TOP3B: variants seen among roughly 807,000 people sequenced by gnomAD.
TOP3B encodes DNA topoisomerase III beta.
In TOP3B, 45 loss-of-function variants were observed where a neutral mutation model predicts 93.9. The ratio of observed to expected loss-of-function variants is 0.48; its 90% CI spans 0.38 to 0.61. The LOEUF is 0.61. Among genes scored for constraint, TOP3B ranks in the 20% least tolerant of loss-of-function variants. TOP3B has a pLI of 0.00. For missense variants in TOP3B, 750 were observed against 1,156.1 expected (o/e 0.65, Z 5.09); for synonymous variants, 357 against 472.6 (o/e 0.76, Z 3.17).
chr22:21,977,371 A>C (rs2071916065), intron 1 of TOP3B: 1 of 151,948 alleles, frequency 6.6e-6, no homozygotes, highest in African/African-American at 2.4e-5. Flanking sequence ...TCTAATAAAA[A>C]TACAAAAATT....
rs754795501 is a variant in TOP3B, at chr22:21,960,405, G to A, written c.1570C>T (p.Arg524Cys). 5.0e-6 allele frequency: 8 copies of A among 1,613,668 alleles called. No individual in the cohort carries two copies. The highest frequency in any genetic ancestry group is 2.2e-5 in the East Asian group (1 of 44,880). The change falls in exon 14 of 18, where the codon CGC (arginine) becomes TGC (cysteine). Residue 524 changes from arginine (R) to cysteine (C), a missense_variant. By Grantham distance (180) the Arg-to-Cys change is radical (BLOSUM62 -3). Transcript: ENST00000357179. ...IPVHINNICQ[R>C]NYVTVESGRR... ...CCGCTCTCCACCGTGACATAGTTGC[G>A]CTGGCAGATGTTGTTGATATGCACA...
Position 21,972,640 on chromosome 22 carries a change from G to A in TOP3B, c.281C>T (p.Pro94Leu). The A allele has an allele frequency of 6.2e-7, 1 of 1,611,590 alleles. No individual in the cohort carries two copies. The highest frequency in any genetic ancestry group is 1.1e-5 in the South Asian group (1 of 91,026). Residue 94 changes from proline to leucine, a missense_variant, in exon 4 of 18, where the codon CCC becomes CTC. This residue lies in a region of TOP3B where 737 missense variants were observed against 933.7 expected (regional missense o/e 0.79). Coordinates refer to ENST00000357179, the MANE Select transcript of TOP3B (RefSeq NM_001282112.2). ...QAPTEKKEANPKLNMVKFLQV... is the reference protein window; with the variant it reads ...QAPTEKKEANLKLNMVKFLQV... ...CAGGAACTTCACCATGTTCAGCTTG[G>A]GGTTAGCTTCTTTCTTCTCCGTGGG... is the stretch of plus-strand genomic sequence containing the variant.
At position 21,962,801 on chromosome 22, in the gene TOP3B, A is replaced by G. The variant is rs377043892; in HGVS notation, c.1297T>C (p.Phe433Leu). 6.2e-7 allele frequency: 1 copy of G among 1,613,406 alleles called. No individual in the cohort carries two copies. Among genetic ancestry groups the G allele is most frequent in the African/African-American group, 1.3e-5 (1 of 74,750 alleles). The change falls in exon 12 of 18, where the codon TTC (phenylalanine) becomes CTC (leucine). Residue 433 changes from phenylalanine (F) to leucine (L), a missense_variant. Physicochemically the swap from Phe to Leu is conservative, Grantham distance 22. Around this residue, in one of 4 missense-constraint regions of TOP3B, gnomAD observed 737 missense variants for 933.7 expected, o/e 0.79. Coordinates refer to ENST00000357179, the MANE Select transcript of TOP3B (RefSeq NM_001282112.2). ...DCKYLQSTIS[F>L]RIGPELFTCS... ...GTGAAGAGCTCGGGCCCAATTCTGA[A>G]GGAGATGGTGCTCTGCAGGTACTTG...
At position 21,957,815 on chromosome 22, in the gene TOP3B, C is replaced by T. The variant is rs1290283433; in HGVS notation, c.2108-220G>A. On this transcript the variant is annotated intron_variant, in intron 17 of 17. Transcript: ENST00000357179. The stretch of plus-strand genomic sequence containing the variant: ...CCTCCTCAACTTTCAAGGCCCCTCG[C>T]TGGCACCATCCCAGTGGGTTTCAGC... 42 of 1,532,828 alleles carry T rather than the reference C, an allele frequency of 2.7e-5. No individual in the cohort carries two copies. The Middle Eastern group carries it at 5.2e-4, about 19-fold the overall frequency. The allele number at this position is 1,532,828 out of a possible 1,614,324, so 95.0% of individuals were successfully genotyped here.
Position 21,962,521 on chromosome 22 carries a change from A to G in TOP3B, c.1433T>C (p.Val478Ala), listed in dbSNP as rs2071230981. 6 of 1,613,690 alleles carry G rather than the reference A, an allele frequency of 3.7e-6. No individual in the cohort carries two copies. The highest frequency in any genetic ancestry group is 1.1e-5 in the South Asian group (1 of 91,082). Residue 478 changes from valine (V) to alanine (A), a missense_variant, in exon 13 of 18, where the codon GTG (valine) becomes GCG (alanine). Transcript: ENST00000357179. Reference sequence around the variant, plus strand: ...CTTCTCCAGCATCTTCACCTCGCCCACAGGGAAGGCATCACCCCGCTGGCA... The same window carrying G: ...CTTCTCCAGCATCTTCACCTCGCCCGCAGGGAAGGCATCACCCCGCTGGCA... ...PTCQRGDAFP[V>A]GEVKMLEKQT...
intron 14 of TOP3B, 127 bp downstream of exon 14, chr22:21,960,194 G>C: frequency 7.1e-7 from 1 of 1,412,034 alleles, no homozygotes; most frequent in Non-Finnish European, 9.8e-7. Context: ...CGGGTGTTGA[G>C]GGAGTGTGTG....
chr22:21,959,854 C>T, intron 14 of TOP3B, 118 bp from the exon 15 acceptor site: 1 of 1,400,176 alleles, frequency 7.1e-7, no homozygotes, highest in South Asian at 1.4e-5. Flanking sequence ...GTCCTCCTGG[C>T]CTCTGCCCTA....
rs1056622151 is a variant in TOP3B at position 21,974,515 on chromosome 22, T to C, written c.71-27A>G. ...TGGGGATGAGGAAGCACAAAGTGAC[T>C]GGCTGCTTCAGCTGAGCTGAAGACC... On this transcript the variant is annotated intron_variant, in intron 2 of 17. Transcript: ENST00000357179. The C allele has an allele frequency of 4.4e-6, 7 of 1,575,570 alleles. No individual in the cohort carries two copies. In the Middle Eastern group the frequency reaches 6.7e-4, roughly 150 times the overall value.
At position 21,974,574 on chromosome 22, in the gene TOP3B, G is replaced by A. The variant is rs1262435641; in HGVS notation, c.71-86C>T. On this transcript the variant is annotated intron_variant, in intron 2 of 17. Transcript: ENST00000357179. ...ACCCCAGCCCGGATGCCACCTCCCA[G>A]AGGGCCAGAGTCCTCCTTCCCCAGA... is the stretch of plus-strand genomic sequence containing the variant. The A allele has an allele frequency of 2.8e-6, 4 of 1,418,028 alleles. No homozygotes were observed. In the African/African-American group the frequency reaches 5.7e-5, roughly 20 times the overall value. 87.8% of individuals were successfully genotyped at this position (1,418,028 alleles called of 1,614,324 possible).
intron 1 of TOP3B, among the ~76,000 whole-genome samples, chr22:21,978,599 G>T (rs1253504824): frequency 6.6e-6 from 1 of 152,134 alleles, no homozygotes; most frequent in Non-Finnish European, 1.5e-5. Flanking sequence ...GGAGCTAGCA[G>T]GGTGAGTCAG....
In TOP3B at chr22:21,963,178, A is replaced by G; in HGVS notation, c.1205-285T>C. On this transcript the variant is annotated intron_variant, in intron 11 of 17. Coordinates refer to ENST00000357179, the MANE Select transcript of TOP3B (RefSeq NM_001282112.2). This position sits in a 1 kb window ranked among gnomAD's most constrained non-coding sequence, Gnocchi z 4.8. ...GTGAAACCCCGTCTCTACTAAAAAT[A>G]CAAAGAAATTAGCTGGGTGTGGTGG... 3.1e-6 allele frequency: 1 copy of G among 324,550 alleles called. No homozygotes were observed. Among genetic ancestry groups the G allele is most frequent in the Non-Finnish European group, 5.9e-6 (1 of 170,332 alleles). The allele number at this position is 324,550 out of a possible 1,614,324, so 20.1% of individuals were successfully genotyped here. A position where few individuals can be genotyped will look rare whatever the true frequency, so the allele number is the denominator to read the frequency against.
At position 21,967,370 on chromosome 22, in the gene TOP3B, G is replaced by A. The variant is rs960541882; in HGVS notation, c.852+233C>T. 1.3e-4 allele frequency: 68 copies of A among 530,600 alleles called. No individual in the cohort carries two copies. The East Asian group carries it at 2.0e-3, about 16-fold the overall frequency. 32.9% of individuals were successfully genotyped at this position (530,600 alleles called of 1,614,324 possible). ...AGGGGTCCGACAAGGTCACAGGTGTGGACAGTGCCTGGTATGGAGCGGGCA... is the reference window on the plus strand; with the variant it reads ...AGGGGTCCGACAAGGTCACAGGTGTAGACAGTGCCTGGTATGGAGCGGGCA... On this transcript the variant is annotated intron_variant, in intron 8 of 17. Coordinates refer to ENST00000357179, the MANE Select transcript of TOP3B (RefSeq NM_001282112.2).
chr22:21,966,701 C>G (rs1319296915), intron 8 of TOP3B: 1 of 152,244 alleles, frequency 6.6e-6, no homozygotes, highest in Non-Finnish European at 1.5e-5. Context: ...ACAATCCAAA[C>G]AACTCAACCC....
Position 21,970,133 on chromosome 22 carries a change from A to T in TOP3B, c.581+77T>A, listed in dbSNP as rs1048616886. On this transcript the variant is annotated intron_variant, in intron 6 of 17. Transcript: ENST00000357179. The surrounding 1 kb of genome is among the most constrained non-coding windows in gnomAD (Gnocchi z 4.4). ...GCTCGAGGAGGCCTAGGGGCCCCGG[A>T]GGGGGACCAGTAGAGGCAGGTCTCT... 6 of 1,546,900 alleles carry T rather than the reference A, an allele frequency of 3.9e-6. No individual in the cohort carries two copies. The highest frequency in any genetic ancestry group is 3.5e-6 in the Non-Finnish European group (4 of 1,144,200).
intron 7 of TOP3B, 116 bp downstream of exon 7, chr22:21,968,503 G>T: frequency 1.5e-6 from 2 of 1,354,676 alleles, no homozygotes. Context: ...TCCAGGTACA[G>T]CCGTCCACAC....
At position 21,964,188 on chromosome 22, in the gene TOP3B, C is replaced by T; in HGVS notation, c.1071G>A (p.Gln357=). ...TGTCGGCCCAGTAGGGGTGGTTGGC[C>T]TGCTGCCGCAGAGAGCCCTTCAGGT... ...NFDLKGSLRQ[Q]ANHPYWADTV... is the part of the protein sequence containing the mutation. Residue 357 remains glutamine (Q), a synonymous_variant, in exon 10 of 18, where the codon CAG becomes CAA. Coordinates refer to ENST00000357179, the MANE Select transcript of TOP3B (RefSeq NM_001282112.2). The T allele has an allele frequency of 6.2e-7, 1 of 1,614,118 alleles. No homozygotes were observed. Among genetic ancestry groups the T allele is most frequent in the Non-Finnish European group, 8.5e-7 (1 of 1,180,024 alleles).
rs1307093913 is a variant in TOP3B, at chr22:21,958,715, G to T, written c.1906-22C>A. The T allele has an allele frequency of 3.2e-6, 5 of 1,579,748 alleles. No homozygotes were observed. In the Admixed American group the frequency reaches 8.6e-5, roughly 27 times the overall value. ...TGGCCTGCGGCAATGCCAGGCAGGT[G>T]GCGTGAGGGTCACTGGGGCCACCGA... On this transcript the variant is annotated intron_variant, in intron 16 of 17. Coordinates refer to ENST00000357179, the MANE Select transcript of TOP3B (RefSeq NM_001282112.2).
Position 21,964,623 on chromosome 22 carries a change from T to A in TOP3B, c.944-308A>T, listed in dbSNP as rs919058946. ...GGCTCATGGCCATGGGGATGACACA[T>A]GGCCTTCAGAGCACCACTCCCCATG... On this transcript the variant is annotated intron_variant, in intron 9 of 17. Coordinates refer to ENST00000357179, the MANE Select transcript of TOP3B (RefSeq NM_001282112.2). The A allele has an allele frequency of 1.6e-5, 7 of 437,034 alleles. No individual in the cohort carries two copies. In the East Asian group the frequency reaches 2.9e-4, roughly 18 times the overall value. 27.1% of individuals were successfully genotyped at this position (437,034 alleles called of 1,614,324 possible).
chr22:21,963,045 G>A lies in TOP3B; in HGVS notation c.1205-152C>T. The A allele has an allele frequency of 1.1e-6, 1 of 945,744 alleles. No individual in the cohort carries two copies. The highest frequency in any genetic ancestry group is 1.6e-5 in the South Asian group (1 of 61,376). The allele number at this position is 945,744 out of a possible 1,614,324, so 58.6% of individuals were successfully genotyped here. A position where few individuals can be genotyped will look rare whatever the true frequency, so the allele number is the denominator to read the frequency against. On this transcript the variant is annotated intron_variant, in intron 11 of 17. Transcript: ENST00000357179. The surrounding 1 kb of genome is among the most constrained non-coding windows in gnomAD (Gnocchi z 4.8). ...CCTGGGGAAGGAGGAAAGAAAATGTGCAGGAAGGCCGGGCGTGGTGGCTCA... is the reference window on the plus strand; with the variant it reads ...CCTGGGGAAGGAGGAAAGAAAATGTACAGGAAGGCCGGGCGTGGTGGCTCA...
Sources: allele counts gnomAD v4.1 joint callset (sites outside exome capture counted in the v4.1 genomes callset), GRCh38; gene constraint gnomAD v4.1.1; regional missense constraint gnomAD v4.1.1; non-coding constraint Gnocchi (gnomAD v3.1); transcripts MANE v1.5; gene names NCBI Gene and HGNC (gene_info 2026-07-23, HGNC 2026-07-21).